Variants in RFX3 observed in about 807,000 individuals in gnomAD.
The protein encoded by RFX3 is transcription factor RFX3.
Under a neutral mutation model 98.6 loss-of-function variants are expected in RFX3, and 14 were observed. The observed-to-expected ratio is 0.14, with a 90% CI of 0.09 to 0.22. RFX3 has a LOEUF of 0.22. RFX3 is among the 10% of genes least tolerant of loss of function. The pLI, the probability that RFX3 is intolerant of heterozygous loss-of-function variation, is 1.00. For missense variants in RFX3, 639 were observed against 926.9 expected (o/e 0.69, Z 4.03); for synonymous variants, 383 against 328.4 (o/e 1.17, Z -1.80).
intron 1 of RFX3, among the ~76,000 whole-genome samples, chr9:3,505,906 G>A (rs531086288): frequency 6.6e-6 from 1 of 151,720 alleles, no homozygotes; most frequent in Non-Finnish European, 1.5e-5. Context: ...TTCAAGGGCA[G>A]AGGCCCTTGA....
intron 1 of RFX3, chr9:3,489,030 G>A (rs1009570551): frequency 4.9e-5 from 16 of 325,210 alleles, no homozygotes; most frequent in African/African-American, 3.6e-4. Flanking sequence ...AAATTAAAGT[G>A]TAGTATTTAA....
intron 14 of RFX3, among the ~76,000 whole-genome samples, chr9:3,251,800 T>C (rs949812734): frequency 6.6e-6 from 1 of 152,112 alleles, no homozygotes. Flanking sequence ...GAATGAGTCT[T>C]TCTTTATATA....
chr9:3,490,938 C>A (rs1850673380), intron 1 of RFX3, among the ~76,000 whole-genome samples: 1 of 152,026 alleles, frequency 6.6e-6, no homozygotes, highest in Admixed American at 6.6e-5. Context: ...AACATACTTA[C>A]ATGTATGTGT....
intron 4 of RFX3, among the ~76,000 whole-genome samples, chr9:3,320,135 A>G (rs1459105028): frequency 6.6e-6 from 1 of 152,244 alleles, no homozygotes; most frequent in Non-Finnish European, 1.5e-5. Context: ...CCAAATAGAT[A>G]TAATGTATAA....
In RFX3 at chr9:3,383,215, G is replaced by C. The variant is rs190296219; in HGVS notation, c.117+12257C>G. 3.1e-3 allele frequency among the ~76,000 whole-genome samples: 476 copies of C among 152,100 alleles called. 4 individuals carry two copies. Among genetic ancestry groups the C allele is most frequent in the Non-Finnish European group, 4.0e-3 (274 of 67,994 alleles). On this transcript the variant is annotated intron_variant, in intron 2 of 16. Transcript: ENST00000617270. The stretch of plus-strand genomic sequence containing the variant: ...TGTTCATACTTAGAGTCTGAGTTTA[G>C]GTAGGGCATAGGAGGTTCAAGGATC...
chr9:3,238,548 G>A (rs958178487), intron 15 of RFX3, among the ~76,000 whole-genome samples: 1 of 152,162 alleles, frequency 6.6e-6, no homozygotes, highest in African/African-American at 2.4e-5. Context: ...AGTCAATGAA[G>A]AAATAGGCCC....
At chr9:3,297,665 T>C (rs899651285) in intron 5 of RFX3, among the ~76,000 whole-genome samples, 158 of 151,968 alleles carry the variant, frequency 1.0e-3, no homozygotes, top group African/African-American at 3.7e-3. Flanking sequence ...ATATTTACAA[T>C]ACAGCAAAGT....
At chr9:3,489,410 T>C (rs1439007955) in intron 1 of RFX3, 2 of 985,264 alleles carry the variant, frequency 2.0e-6, no homozygotes, top group African/African-American at 3.5e-5. Flanking sequence ...AAAGTACTGT[T>C]TGTAGTGGAA....
chr9:3,499,307 G>C (rs559316419), intron 1 of RFX3, among the ~76,000 whole-genome samples: 2 of 151,960 alleles, frequency 1.3e-5, no homozygotes, highest in South Asian at 4.1e-4. Context: ...AGGAATCCCA[G>C]AAATCATGAA....
At chr9:3,375,991 C>T (rs564449400) in intron 2 of RFX3, among the ~76,000 whole-genome samples, 1 of 151,858 alleles carries the variant, frequency 6.6e-6, no homozygotes, top group African/African-American at 2.4e-5. Context: ...AAATTAGGTA[C>T]TTACTACTTT....
intron 2 of RFX3, among the ~76,000 whole-genome samples, chr9:3,390,093 T>G (rs560503440): frequency 3.2e-4 from 49 of 152,336 alleles, no homozygotes; most frequent in Non-Finnish European, 1.2e-4. Context: ...TGTATAATAC[T>G]GCAATCCTGA....
At chr9:3,510,247 G>A (rs573035497) in intron 1 of RFX3, among the ~76,000 whole-genome samples, 3 of 151,816 alleles carry the variant, frequency 2.0e-5, no homozygotes, top group African/African-American at 7.2e-5. Flanking sequence ...TCATCACAGG[G>A]GATTTGAAGT....
intron 1 of RFX3, among the ~76,000 whole-genome samples, chr9:3,431,147 G>C (rs986850061): frequency 1.3e-5 from 2 of 152,150 alleles, no homozygotes; most frequent in African/African-American, 4.8e-5. Flanking sequence ...TCTACCCTGT[G>C]ATGCTAATCA....
intron 2 of RFX3, among the ~76,000 whole-genome samples, chr9:3,357,119 C>G (rs1318603773): frequency 1.3e-5 from 2 of 151,820 alleles, no homozygotes; most frequent in African/African-American, 4.8e-5. Context: ...TCACTTTTTT[C>G]ATAATATAAT....
chr9:3,284,650 C>A (rs1287019752), intron 7 of RFX3, among the ~76,000 whole-genome samples: 2 of 151,564 alleles, frequency 1.3e-5, no homozygotes, highest in African/African-American at 4.8e-5. Context: ...GGTCCATTTG[C>A]CCCTCCACGG....
chr9:3,303,485 G>A (rs1245526166), intron 4 of RFX3, among the ~76,000 whole-genome samples: 1 of 151,710 alleles, frequency 6.6e-6, no homozygotes, highest in Non-Finnish European at 1.5e-5. Flanking sequence ...TTTCAGTCTA[G>A]TAAATATAAA....
At chr9:3,427,938 C>T (rs1304505583) in intron 1 of RFX3, among the ~76,000 whole-genome samples, 1 of 151,998 alleles carries the variant, frequency 6.6e-6, no homozygotes, top group African/African-American at 2.4e-5. Context: ...CTGGTCTCTG[C>T]CTTCTCAGCT....
At position 3,503,764 on chromosome 9, in the gene RFX3, A is replaced by G. The variant is rs551990097; in HGVS notation, c.-9+21983T>C. On this transcript the variant is annotated intron_variant, in intron 1 of 16. Coordinates refer to ENST00000617270, the MANE Select transcript of RFX3 (RefSeq NM_001282116.2). ...ATAAATTACTATCAAAGATGACTAG[A>G]TGATAGCTATGCTATATAAACAATG... is the stretch of plus-strand genomic sequence containing the variant. Among the ~76,000 whole-genome samples, 152 of 152,264 alleles carry G rather than the reference A, an allele frequency of 1.0e-3. 1 individual carries two copies. The South Asian group carries it at 0.029, about 29-fold the overall frequency.
chr9:3,286,497 C>A (rs1826621757), intron 7 of RFX3, among the ~76,000 whole-genome samples: 1 of 151,744 alleles, frequency 6.6e-6, no homozygotes, highest in Non-Finnish European at 1.5e-5. Flanking sequence ...AGTCTTCAGT[C>A]TGGTGCACTT....
Sources: allele counts gnomAD v4.1 joint callset (sites outside exome capture counted in the v4.1 genomes callset), GRCh38; gene constraint gnomAD v4.1.1; transcripts MANE v1.5; gene names NCBI Gene and HGNC (gene_info 2026-07-23, HGNC 2026-07-21).